The following USP6NL variants were observed in gnomAD, a reference collection of about 807,000 sequenced individuals.
The protein encoded by USP6NL is USP6 N-terminal-like protein.
Under a neutral mutation model 61.9 loss-of-function variants are expected in USP6NL, and 26 were observed. The observed-to-expected ratio is 0.42, with a 90% confidence interval of 0.31 to 0.58. USP6NL has a LOEUF of 0.58. Among genes scored for constraint, USP6NL ranks in the 20% least tolerant of loss-of-function variants. The probability of loss-of-function intolerance (pLI) is 0.16; values close to 1 mark genes in which losing one functional copy is unlikely to be tolerated. For synonymous variants in USP6NL, 432 were observed against 390.1 expected, an observed-to-expected ratio of 1.11 and a Z score of -1.27; for missense variants, 1,114 against 1,034.3, an observed-to-expected ratio of 1.08 and a Z score of -1.06.
chr10:11,509,032 C>T (rs1354645364), intron 6 of USP6NL, among the ~76,000 whole-genome samples: 2 of 152,136 alleles, frequency 1.3e-5, no homozygotes, highest in East Asian at 1.9e-4. Flanking sequence ...TCTGATGAGA[C>T]GCATGGTGAT....
In USP6NL at chr10:11,485,742, CA is replaced by C. The variant is rs1833435243; in HGVS notation, c.759+74del. 15 of 961,486 alleles carry C rather than the reference CA, an allele frequency of 1.6e-5. No individual in the cohort carries two copies. The highest frequency in any genetic ancestry group is 2.3e-5 in the Non-Finnish European group (15 of 643,156). The allele number at this position is 961,486 out of a possible 1,614,324, so 59.6% of individuals were successfully genotyped here. ...CTATAAATTAATAAGGTAATTGGAC[CA>C]AAGACAATTTAATTATCCCAGCTTT... On this transcript the variant is annotated intron_variant, in intron 11 of 14. Coordinates refer to ENST00000609104, the MANE Select transcript of USP6NL (RefSeq NM_014688.5). The surrounding 1 kb of genome is among the most constrained non-coding windows in gnomAD (Gnocchi z 4.8).
rs1234505234 is a variant in USP6NL, at chr10:11,540,276, T to C, written c.5-12709A>G. Among the ~76,000 whole-genome samples the C allele has an allele frequency of 6.6e-6, 1 of 152,220 alleles. No individual in the cohort carries two copies. The highest frequency in any genetic ancestry group is 1.9e-4 in the East Asian group (1 of 5,200). On this transcript the variant is annotated intron_variant, in intron 2 of 14. Transcript: ENST00000609104. This position sits in a 1 kb window ranked among gnomAD's most constrained non-coding sequence, Gnocchi z 5.0. ...TATGAAATATTCTTTGTGGTCATAA[T>C]CAACTGGACCTGCTATATTATGTTT...
At chr10:11,543,773 T>C (rs1011630494) in intron 2 of USP6NL, among the ~76,000 whole-genome samples, 3 of 149,874 alleles carry the variant, frequency 2.0e-5, no homozygotes, top group Admixed American at 1.3e-4. Flanking sequence ...CCAGGTAACA[T>C]CTTGTCTGGG....
Position 11,463,639 on chromosome 10 carries a change from G to T in USP6NL, c.1289C>A (p.Pro430Gln). Reference protein sequence around the residue: ...SRTGTPERAQPPRRKSVEEES... With the variant: ...SRTGTPERAQQPRRKSVEEES... ...CTCCTCCACCGATTTCCGTCTTGGC[G>T]GCTGTGCTCTCTCGGGCGTCCCGGT... The change falls in exon 15 of 15, where the codon CCG (proline) becomes CAG (glutamine). Residue 430 changes from proline to glutamine, a missense_variant. Coordinates refer to ENST00000609104, the MANE Select transcript of USP6NL (RefSeq NM_014688.5). The surrounding 1 kb of genome is among the most constrained non-coding windows in gnomAD (Gnocchi z 6.3). 2 of 1,613,896 alleles carry T rather than the reference G, an allele frequency of 1.2e-6. 1 individual carries two copies. The highest frequency in any genetic ancestry group is 2.2e-5 in the South Asian group (2 of 91,064).
chr10:11,521,897 C>A (rs537914503), intron 4 of USP6NL, among the ~76,000 whole-genome samples: 54 of 152,320 alleles, frequency 3.5e-4, no homozygotes, highest in African/African-American at 1.3e-3. Flanking sequence ...CATTATCTAT[C>A]ATTATCCAAA....
chr10:11,523,244 C>T (rs1340055189), intron 4 of USP6NL, among the ~76,000 whole-genome samples: 3 of 152,152 alleles, frequency 2.0e-5, no homozygotes, highest in Non-Finnish European at 2.9e-5. Context: ...TGTAATAGTT[C>T]AAACATGGTT....
At chr10:11,551,797 A>G (rs768528907) in intron 2 of USP6NL, among the ~76,000 whole-genome samples, 11 of 152,212 alleles carry the variant, frequency 7.2e-5, no homozygotes, top group Middle Eastern at 3.2e-3. Flanking sequence ...AGATTCCATC[A>G]TAAGTTTTAA....
At chr10:11,507,505 T>C (rs562113342) in intron 6 of USP6NL, among the ~76,000 whole-genome samples, 2 of 152,262 alleles carry the variant, frequency 1.3e-5, no homozygotes, top group African/African-American at 4.8e-5. Context: ...CAAAGTAATA[T>C]AAGAGCCTAA....
chr10:11,583,848 C>A (rs1837875145), intron 2 of USP6NL, among the ~76,000 whole-genome samples: 1 of 152,012 alleles, frequency 6.6e-6, no homozygotes, highest in Non-Finnish European at 1.5e-5. Flanking sequence ...GCCAACGTGG[C>A]AAAACCCTGA....
rs1033584588 is a variant in USP6NL, at chr10:11,490,714, A to G, written c.543+118T>C. Reference sequence around the variant, plus strand: ...CAGCTTAAAAAGATCCACAGAGCTAAAGAGACCATGGAGACCACCTAGCTC... The same window carrying G: ...CAGCTTAAAAAGATCCACAGAGCTAGAGAGACCATGGAGACCACCTAGCTC... On this transcript the variant is annotated intron_variant, in intron 9 of 14. Coordinates refer to ENST00000609104, the MANE Select transcript of USP6NL (RefSeq NM_014688.5). This position sits in a 1 kb window ranked among gnomAD's most constrained non-coding sequence, Gnocchi z 4.5. 1 of 990,784 alleles carries G rather than the reference A, an allele frequency of 1.0e-6. No homozygotes were observed. The allele number at this position is 990,784 out of a possible 1,614,324, so 61.4% of individuals were successfully genotyped here. A position where few individuals can be genotyped will look rare whatever the true frequency, so the allele number is the denominator to read the frequency against.
chr10:11,594,101 A>C (rs919994151), intron 2 of USP6NL, among the ~76,000 whole-genome samples: 1 of 151,670 alleles, frequency 6.6e-6, no homozygotes, highest in African/African-American at 2.4e-5. Context: ...CATATCCATA[A>C]TTTTTTTTTC....
At chr10:11,466,758 C>T (rs943126808) in intron 14 of USP6NL, among the ~76,000 whole-genome samples, 2 of 152,158 alleles carry the variant, frequency 1.3e-5, no homozygotes, top group African/African-American at 4.8e-5. Flanking sequence ...CACACCGAGG[C>T]TCTATGATAC....
At position 11,495,467 on chromosome 10, in the gene USP6NL, T is replaced by A. The variant is rs989256118; in HGVS notation, c.385-2239A>T. The stretch of plus-strand genomic sequence containing the variant: ...CATTCCCATTTTCTTTTTCTGAAAC[T>A]CTTATTATTACAGTCTGGGAACTCC... On this transcript the variant is annotated intron_variant, in intron 7 of 14. Transcript: ENST00000609104. The surrounding 1 kb of genome is among the most constrained non-coding windows in gnomAD (Gnocchi z 4.6). Among the ~76,000 whole-genome samples the A allele has an allele frequency of 6.6e-5, 10 of 152,304 alleles. No homozygotes were observed. The highest frequency in any genetic ancestry group is 1.3e-4 in the Admixed American group (2 of 15,306).
chr10:11,557,937 G>A (rs1184764300), intron 2 of USP6NL, among the ~76,000 whole-genome samples: 2 of 152,174 alleles, frequency 1.3e-5, no homozygotes, highest in African/African-American at 2.4e-5. Context: ...GAGAAGAAAC[G>A]CGGAAGGTAT....
Position 11,465,266 on chromosome 10 carries a change from A to T in USP6NL, c.1079-1417T>A, listed in dbSNP as rs1229866961. ...GCTGGCTGATATTCCATCAGACAGC[A>T]ATATCAGCCAATCATCAAAACATCC... On this transcript the variant is annotated intron_variant, in intron 14 of 14. Coordinates refer to ENST00000609104, the MANE Select transcript of USP6NL (RefSeq NM_014688.5). The surrounding 1 kb of genome is among the most constrained non-coding windows in gnomAD (Gnocchi z 4.5). Among the ~76,000 whole-genome samples the T allele has an allele frequency of 6.6e-6, 1 of 152,258 alleles. No homozygotes were observed. The highest frequency in any genetic ancestry group is 2.4e-5 in the African/African-American group (1 of 41,466).
At position 11,575,675 on chromosome 10, in the gene USP6NL, A is replaced by AG. The variant is rs1328901358; in HGVS notation, c.4+21955dup. ...CATTGGTTCACTACTGTCAATGCTT[A>AG]GCTTCTGCTAAGCAATCAATAGCTT... On this transcript the variant is annotated intron_variant, in intron 2 of 14. Transcript: ENST00000609104. This position sits in a 1 kb window ranked among gnomAD's most constrained non-coding sequence, Gnocchi z 4.2. 3.2e-4 allele frequency among the ~76,000 whole-genome samples: 48 copies of AG among 152,242 alleles called. No homozygotes were observed. The highest frequency in any genetic ancestry group is 1.1e-3 in the African/African-American group (46 of 41,470).
chr10:11,481,918 A>G lies in USP6NL; in HGVS notation c.930T>C (p.His310=), dbSNP rs1833215617. Residue 310 remains histidine (H), a synonymous_variant, in exon 14 of 15, where the codon CAT becomes CAC. Coordinates refer to ENST00000609104, the MANE Select transcript of USP6NL (RefSeq NM_014688.5). This position sits in a 1 kb window ranked among gnomAD's most constrained non-coding sequence, Gnocchi z 4.4. ...GTTCTTCCATGGACAATTTCATTAGATGTTCTAAGAAAGGATAAGAGAAAT... is the reference window on the plus strand; with the variant it reads ...GTTCTTCCATGGACAATTTCATTAGGTGTTCTAAGAAAGGATAAGAGAAAT... The part of the protein sequence containing the change: ...SYTILKLHKK[H]LMKLSMEELV... 1 of 1,605,552 alleles carries G rather than the reference A, an allele frequency of 6.2e-7. No homozygotes were observed. The highest frequency in any genetic ancestry group is 8.5e-7 in the Non-Finnish European group (1 of 1,176,696).
At position 11,463,347 on chromosome 10, in the gene USP6NL, C is replaced by T; in HGVS notation, c.1581G>A (p.Val527=). The T allele has an allele frequency of 1.2e-6, 2 of 1,613,976 alleles. No individual in the cohort carries two copies. The highest frequency in any genetic ancestry group is 1.7e-5 in the Admixed American group (1 of 60,036). Residue 527 remains valine, a synonymous_variant, in exon 15 of 15, where the codon GTG becomes GTA. Transcript: ENST00000609104. This position sits in a 1 kb window ranked among gnomAD's most constrained non-coding sequence, Gnocchi z 6.3. ...VTVPGPAEVR[V]SNVRPKMKAL... is the part of the protein sequence containing the mutation. ...CCTTCATCTTTGGCCGCACGTTTGA[C>T]ACCCGCACCTCGGCAGGACCTGGGA...
At chr10:11,541,276 T>C (rs1409101157) in intron 2 of USP6NL, among the ~76,000 whole-genome samples, 1 of 119,576 alleles carries the variant, frequency 8.4e-6, no homozygotes, top group Non-Finnish European at 1.8e-5. Flanking sequence ...TATATATATA[T>C]GTATGTCACT....
Sources: allele counts gnomAD v4.1 joint callset (sites outside exome capture counted in the v4.1 genomes callset), GRCh38; gene constraint gnomAD v4.1.1; non-coding constraint Gnocchi (gnomAD v3.1); transcripts MANE v1.5; gene names NCBI Gene and HGNC (gene_info 2026-07-23, HGNC 2026-07-21).